The following SNAP47 variants were observed in gnomAD, a reference collection of about 807,000 sequenced individuals.
The protein encoded by SNAP47 is synaptosomal-associated protein 47.
Under a neutral mutation model 31.4 loss-of-function variants are expected in SNAP47, and 20 were observed. That is an observed-to-expected ratio of 0.64 (90% CI 0.45 to 0.93). The LOEUF is 0.93. Among genes scored for constraint, SNAP47 ranks in the 40% least tolerant of loss-of-function variants. The pLI, the probability that SNAP47 is intolerant of heterozygous loss-of-function variation, is 0.00. For synonymous variants in SNAP47, 194 were observed against 213.4 expected, an observed-to-expected ratio of 0.91 and a Z score of 0.79; for missense variants, 492 against 528.5, an observed-to-expected ratio of 0.93 and a Z score of 0.68.
At position 227,740,066 on chromosome 1, in the gene SNAP47, C is replaced by T. The variant is rs558396791; in HGVS notation, c.-46+4567C>T. ...TGTGTAGCGGGCCTTGCGGCCCTCC[C>T]ATGATAGTGCCTTCTGTAGTGCGAC... On this transcript the variant is annotated intron_variant, in intron 1 of 4. Transcript: ENST00000617596. 2.2e-4 allele frequency among the ~76,000 whole-genome samples: 34 copies of T among 152,366 alleles called. No homozygotes were observed. In the South Asian group the frequency reaches 6.6e-3, roughly 30 times the overall value.
chr1:227,738,375 G>A (rs1348119516), intron 1 of SNAP47, among the ~76,000 whole-genome samples: 1 of 149,184 alleles, frequency 6.7e-6, no homozygotes, highest in Non-Finnish European at 1.5e-5. Flanking sequence ...GTGTAGAGCC[G>A]GCTTTTCTAC....
intron 2 of SNAP47, among the ~76,000 whole-genome samples, chr1:227,755,220 T>C (rs1662619896): frequency 6.7e-6 from 1 of 149,736 alleles, no homozygotes; most frequent in Admixed American, 6.7e-5. Context: ...TATTTACTTT[T>C]TGAGACAGGA....
upstream of SNAP47, chr1:227,732,352 T>C (rs1660712694): frequency 6.2e-7 from 1 of 1,600,564 alleles, no homozygotes; most frequent in African/African-American, 1.3e-5. Flanking sequence ...AGCAGGAGGC[T>C]GCCTCTCTTC....
chr1:227,764,353 G>A (rs950493119), intron 3 of SNAP47, among the ~76,000 whole-genome samples: 1 of 152,190 alleles, frequency 6.6e-6, no homozygotes, highest in African/African-American at 2.4e-5. Flanking sequence ...AGCCTTCTGA[G>A]TGTTTAAGCA....
chr1:227,748,381 A>T (rs1466053120), intron 2 of SNAP47, 148 bp downstream of exon 2: 22 of 886,210 alleles, frequency 2.5e-5, no homozygotes, highest in Non-Finnish European at 3.0e-5. Flanking sequence ...GTACATGCTT[A>T]GTGGGTACGC....
At chr1:227,728,290 G>A (rs1280504046), upstream of SNAP47, among the ~76,000 whole-genome samples, 2 of 152,116 alleles carry the variant, frequency 1.3e-5, no homozygotes, top group African/African-American at 4.8e-5. Flanking sequence ...CAAGGGTAGG[G>A]AAGGGTTGTT....
At position 227,762,733 on chromosome 1, in the gene SNAP47, C is replaced by G. The variant is rs904256901; in HGVS notation, c.988+3248C>G. Reference sequence around the variant, plus strand: ...ATTTTATTCTAGACACTCGTCCTTGCGTTGAGGAGCACCCAGGACCGCACA... The same window carrying G: ...ATTTTATTCTAGACACTCGTCCTTGGGTTGAGGAGCACCCAGGACCGCACA... On this transcript the variant is annotated intron_variant, in intron 3 of 4. Coordinates refer to ENST00000617596, the MANE Select transcript of SNAP47 (RefSeq NM_053052.4). The surrounding 1 kb of genome is among the most constrained non-coding windows in gnomAD (Gnocchi z 4.2). Among the ~76,000 whole-genome samples, 2 of 152,190 alleles carry G rather than the reference C, an allele frequency of 1.3e-5. No individual in the cohort carries two copies. The highest frequency in any genetic ancestry group is 2.9e-5 in the Non-Finnish European group (2 of 68,040).
chr1:227,729,827 C>A (rs1463639327), intron 1 of SNAP47, among the ~76,000 whole-genome samples: 1 of 152,158 alleles, frequency 6.6e-6, no homozygotes, highest in Non-Finnish European at 1.5e-5. Flanking sequence ...GCTGGAGGAG[C>A]CCCTAGGCCC....
In SNAP47 at chr1:227,766,857, G is replaced by A. The variant is rs553466491; in HGVS notation, c.989-102G>A. The stretch of plus-strand genomic sequence containing the variant: ...AGGAAGCAGTCCTGCGTGTGGTGGC[G>A]GGAGGAACACCGCCTCAAAGACCAC... On this transcript the variant is annotated intron_variant, in intron 3 of 4. Transcript: ENST00000617596. 1.3e-5 allele frequency: 19 copies of A among 1,514,476 alleles called. No homozygotes were observed. The African/African-American group carries it at 1.8e-4, about 14-fold the overall frequency. The allele number at this position is 1,514,476 out of a possible 1,614,324, so 93.8% of individuals were successfully genotyped here.
intron 4 of SNAP47, 73 bp downstream of exon 4, chr1:227,767,156 C>T (rs1558210846): frequency 1.3e-6 from 2 of 1,579,986 alleles, no homozygotes; most frequent in Admixed American, 1.8e-5. Flanking sequence ...TCTTGCCTTT[C>T]TGATCACAAA....
rs1249735151 is a variant in SNAP47, at chr1:227,767,046, C to T, written c.1076C>T (p.Pro359Leu). The T allele has an allele frequency of 6.2e-7, 1 of 1,614,118 alleles. No homozygotes were observed. The highest frequency in any genetic ancestry group is 2.2e-5 in the East Asian group (1 of 44,888). ...GTALHLQTSLPALSEADTQEL... is the reference protein window; with the variant it reads ...GTALHLQTSLLALSEADTQEL... ...GCACTGCACCTGCAGACAAGCCTGC[C>T]AGCCCTTTCTGAGGCAGATACCCAG... is the stretch of plus-strand genomic sequence containing the variant. The change falls in exon 4 of 5, where the codon CCA becomes CTA. Residue 359 changes from proline (P) to leucine (L), a missense_variant. Coordinates refer to ENST00000617596, the MANE Select transcript of SNAP47 (RefSeq NM_053052.4).
At chr1:227,754,743 T>C (rs1489735366) in intron 2 of SNAP47, among the ~76,000 whole-genome samples, 1 of 152,122 alleles carries the variant, frequency 6.6e-6, no homozygotes, top group Non-Finnish European at 1.5e-5. Flanking sequence ...TGCAGGCCTT[T>C]GAGGGGAACA....
At chr1:227,768,465 C>G in intron 4 of SNAP47, 1 of 299,984 alleles carries the variant, frequency 3.3e-6, no homozygotes, top group Non-Finnish European at 4.9e-6. Context: ...GACACTCTGT[C>G]TCTTATGCCT....
In SNAP47 at chr1:227,780,988, C is replaced by T; in HGVS notation, c.*315C>T. On this transcript the variant is annotated 3_prime_UTR_variant, in exon 5 of 5. Coordinates refer to ENST00000617596, the MANE Select transcript of SNAP47 (RefSeq NM_053052.4). The stretch of plus-strand genomic sequence containing the variant: ...AGAGGCCGCCCTCGTCTTGTCTCGG[C>T]TCCCTTTCATGGACAGACTGGCCTT... 1 of 363,050 alleles carries T rather than the reference C, an allele frequency of 2.8e-6. No homozygotes were observed. Among genetic ancestry groups the T allele is most frequent in the East Asian group, 5.5e-5 (1 of 18,346 alleles). 22.5% of individuals were successfully genotyped at this position (363,050 alleles called of 1,614,324 possible). A position where few individuals can be genotyped will look rare whatever the true frequency, so the allele number is the denominator to read the frequency against.
intron 4 of SNAP47, among the ~76,000 whole-genome samples, chr1:227,772,641 C>G (rs61826977): frequency 6.6e-6 from 1 of 152,106 alleles, no homozygotes; most frequent in African/African-American, 2.4e-5. Context: ...CTCTAAGACC[C>G]CTAGATCATA....
intron 4 of SNAP47, chr1:227,775,773 T>A (rs751694098): frequency 3.8e-6 from 5 of 1,303,020 alleles, no homozygotes; most frequent in Non-Finnish European, 1.0e-6. Flanking sequence ...TAAATTCTCT[T>A]GTTTTTGCTC....
intron 2 of SNAP47, among the ~76,000 whole-genome samples, chr1:227,752,250 T>C (rs1415964737): frequency 6.6e-6 from 1 of 152,108 alleles, no homozygotes; most frequent in Non-Finnish European, 1.5e-5. Context: ...TCCCTTTTTC[T>C]TTTTTTCCTT....
At chr1:227,764,486 C>T (rs1201635826) in intron 3 of SNAP47, among the ~76,000 whole-genome samples, 2 of 152,194 alleles carry the variant, frequency 1.3e-5, no homozygotes, top group East Asian at 1.9e-4. Flanking sequence ...GAGCCTGTGT[C>T]GGCTGGGCAC....
At chr1:227,767,420 CTG>C (rs1417008373) in intron 4 of SNAP47, among the ~76,000 whole-genome samples, 3 of 152,188 alleles carry the variant, frequency 2.0e-5, no homozygotes, top group Non-Finnish European at 4.4e-5. Context: ...CATGTGCATG[CTG>C]TGTGTAGTGT....
Sources: allele counts gnomAD v4.1 joint callset (sites outside exome capture counted in the v4.1 genomes callset), GRCh38; gene constraint gnomAD v4.1.1; non-coding constraint Gnocchi (gnomAD v3.1); transcripts MANE v1.5; gene names NCBI Gene and HGNC (gene_info 2026-07-23, HGNC 2026-07-21).